Variants in COBLL1 observed in about 807,000 individuals in gnomAD.
The protein encoded by COBLL1 is cordon-bleu protein-like 1.
COBLL1 carries 50 observed loss-of-function variants against 94.8 expected under a neutral mutation model. The observed-to-expected ratio is 0.53, with a 90% CI of 0.42 to 0.67. COBLL1 has a LOEUF of 0.67. Ranked by LOEUF, COBLL1 falls within the 30% of genes least tolerant of loss-of-function variation. The pLI, the probability that COBLL1 is intolerant of heterozygous loss-of-function variation, is 0.00. For synonymous variants in COBLL1, 448 were observed against 473.8 expected (o/e 0.95, Z 0.71); for missense variants, 1,362 against 1,348.7 (o/e 1.01, Z -0.15).
intron 2 of COBLL1, among the ~76,000 whole-genome samples, chr2:164,661,517 TC>T (rs1691069891): frequency 6.6e-6 from 1 of 152,228 alleles, no homozygotes; most frequent in Admixed American, 6.5e-5. Context: ...TTTAAGCATT[TC>T]CAAACATTTC....
At chr2:164,801,300 G>A (rs1450811817) in intron 2 of COBLL1, among the ~76,000 whole-genome samples, 1 of 150,906 alleles carries the variant, frequency 6.6e-6, no homozygotes, top group Admixed American at 6.6e-5. Flanking sequence ...TTAGCCGGGC[G>A]TGGTAGCGGG....
intron 2 of COBLL1, among the ~76,000 whole-genome samples, chr2:164,810,554 CAA>C (rs1286022629): frequency 6.6e-6 from 1 of 151,394 alleles, no homozygotes; most frequent in Non-Finnish European, 1.5e-5. Context: ...ACCCTAAAAT[CAA>C]AAGAGTTGAT....
intron 9 of COBLL1, among the ~76,000 whole-genome samples, chr2:164,702,665 T>C (rs1225703768): frequency 1.3e-5 from 2 of 151,952 alleles, no homozygotes; most frequent in Non-Finnish European, 2.9e-5. Flanking sequence ...TTAATTTTTA[T>C]TATAAGGTCT....
At chr2:164,773,826 C>A in intron 2 of COBLL1, 1 of 1,061,682 alleles carries the variant, frequency 9.4e-7, no homozygotes, top group Non-Finnish European at 1.2e-6. Flanking sequence ...TATGTGTAAG[C>A]GCCAGGCACT....
In COBLL1 at chr2:164,841,488, G is replaced by A; in HGVS notation, c.-51+222C>T. 1 of 1,119,526 alleles carries A rather than the reference G, an allele frequency of 8.9e-7. No homozygotes were observed. The highest frequency in any genetic ancestry group is 1.1e-6 in the Non-Finnish European group (1 of 912,740). The allele number at this position is 1,119,526 out of a possible 1,614,324, so 69.3% of individuals were successfully genotyped here. A position where few individuals can be genotyped will look rare whatever the true frequency, so the allele number is the denominator to read the frequency against. On this transcript the variant is annotated intron_variant, in intron 1 of 13. Coordinates refer to ENST00000652658, the MANE Select transcript of COBLL1 (RefSeq NM_001365672.2). This position sits in a 1 kb window ranked among gnomAD's most constrained non-coding sequence, Gnocchi z 5.5. ...GGTGGCGCTGCAGCCCCCGCCCCGT[G>A]GGGTTTACTGGGTAGCCATTTGGCG...
intron 2 of COBLL1, among the ~76,000 whole-genome samples, chr2:164,790,792 C>T (rs1683150486): frequency 6.6e-6 from 1 of 152,106 alleles, no homozygotes; most frequent in Admixed American, 6.6e-5. Context: ...CAAGGAACTC[C>T]AGAAAAGAAA....
At chr2:164,791,957 A>G (rs374464297) in intron 2 of COBLL1, among the ~76,000 whole-genome samples, 7 of 151,904 alleles carry the variant, frequency 4.6e-5, no homozygotes, top group African/African-American at 1.7e-4. Flanking sequence ...TTGTATTTCA[A>G]TATTAAAGTG....
At chr2:164,787,245 T>G (rs2105288549) in intron 2 of COBLL1, among the ~76,000 whole-genome samples, 1 of 152,252 alleles carries the variant, frequency 6.6e-6, no homozygotes, top group East Asian at 1.9e-4. Context: ...AAACTTGCAC[T>G]CCATTACCAC....
intron 2 of COBLL1, among the ~76,000 whole-genome samples, chr2:164,788,020 C>T (rs1305210701): frequency 6.6e-6 from 1 of 152,138 alleles, no homozygotes; most frequent in Non-Finnish European, 1.5e-5. Flanking sequence ...TCCCCGGCCT[C>T]CGTTTCATAC....
intron 2 of COBLL1, among the ~76,000 whole-genome samples, chr2:164,801,974 G>T (rs933055537): frequency 6.6e-6 from 1 of 152,134 alleles, no homozygotes; most frequent in Non-Finnish European, 1.5e-5. Context: ...AGGAGAAAAA[G>T]AAAATGTATT....
chr2:164,803,460 G>T (rs2105323360), intron 2 of COBLL1, among the ~76,000 whole-genome samples: 2 of 150,670 alleles, frequency 1.3e-5, no homozygotes, highest in South Asian at 4.2e-4. Context: ...AGCTACTTGG[G>T]AGGCCGAGGC....
At position 164,799,886 on chromosome 2, in the gene COBLL1, G is replaced by A. The variant is rs533526516; in HGVS notation, c.41+41270C>T. On this transcript the variant is annotated intron_variant, in intron 2 of 13. Coordinates refer to ENST00000652658, the MANE Select transcript of COBLL1 (RefSeq NM_001365672.2). ...CAAATAATAGTGGAATAATTGGACTGTATGCTAAAAATATGAATCCAGAGC... is the reference window on the plus strand; with the variant it reads ...CAAATAATAGTGGAATAATTGGACTATATGCTAAAAATATGAATCCAGAGC... 2.6e-5 allele frequency among the ~76,000 whole-genome samples: 4 copies of A among 152,276 alleles called. No individual in the cohort carries two copies. The South Asian group carries it at 8.3e-4, about 32-fold the overall frequency.
Position 164,694,753 on chromosome 2 carries a change from A to G in COBLL1, c.2639T>C (p.Val880Ala), listed in dbSNP as rs749680650. The change falls in exon 12 of 14, where the codon GTG (valine) becomes GCG (alanine). Residue 880 changes from valine (V) to alanine (A), a missense_variant. Transcript: ENST00000652658. ...GACACTCTTGGCAGCTGCAGATGTC[A>G]CATAGTGACCCGATACTCTCTTCTG... Reference protein sequence around the residue: ...QMQKRVSGHYVTSAAAKSVHA... With the variant: ...QMQKRVSGHYATSAAAKSVHA... The G allele has an allele frequency of 1.2e-6, 2 of 1,613,686 alleles. No individual in the cohort carries two copies. The highest frequency in any genetic ancestry group is 1.3e-5 in the African/African-American group (1 of 74,878).
At chr2:164,674,094 T>C (rs1043947624) in intron 1 of COBLL1, among the ~76,000 whole-genome samples, 6 of 152,162 alleles carry the variant, frequency 3.9e-5, no homozygotes, top group African/African-American at 7.2e-5. Context: ...CAGAGGCTTG[T>C]TCTGTCGCCA....
chr2:164,792,048 T>C (rs940021266), intron 2 of COBLL1, among the ~76,000 whole-genome samples: 2 of 152,024 alleles, frequency 1.3e-5, no homozygotes, highest in African/African-American at 4.8e-5. Flanking sequence ...CTGCTTTAAG[T>C]AGAGAGTAGA....
intron 2 of COBLL1, among the ~76,000 whole-genome samples, chr2:164,803,289 G>A (rs1395058186): frequency 6.6e-6 from 1 of 152,136 alleles, no homozygotes; most frequent in East Asian, 1.9e-4. Context: ...AGTTTGGCCG[G>A]GCGCGGTGGC....
At chr2:164,795,976 T>C (rs2105307551) in intron 2 of COBLL1, among the ~76,000 whole-genome samples, 1 of 152,244 alleles carries the variant, frequency 6.6e-6, no homozygotes. Context: ...CTCTAGACAC[T>C]GTGTCTCCTG....
chr2:164,670,294 G>T (rs1209279689), intron 1 of COBLL1, among the ~76,000 whole-genome samples: 4 of 152,116 alleles, frequency 2.6e-5, no homozygotes, highest in Non-Finnish European at 5.9e-5. Context: ...AGAAAAAAAA[G>T]TGCATAAATA....
chr2:164,791,614 T>G (rs1193705972), intron 2 of COBLL1, among the ~76,000 whole-genome samples: 1 of 152,244 alleles, frequency 6.6e-6, no homozygotes, highest in African/African-American at 2.4e-5. Context: ...GCGAAAATCC[T>G]AAATACTTCT....
Sources: gnomAD v4.1 joint callset for allele counts (sites outside exome capture counted in the v4.1 genomes callset) on GRCh38, gnomAD v4.1.1 for gene constraint, Gnocchi (gnomAD v3.1) non-coding constraint, MANE v1.5 for transcripts, NCBI Gene and HGNC (gene_info 2026-07-23, HGNC 2026-07-21) for gene names.